Variants in SCRN1 observed in about 807,000 individuals in gnomAD.
SCRN1 encodes the protein secernin 1, also known as secernin-1.
SCRN1 carries 19 observed loss-of-function variants against 43.3 expected under a neutral mutation model. The ratio of observed to expected loss-of-function variants is 0.44; its 90% CI spans 0.31 to 0.64. SCRN1 has a LOEUF of 0.64. SCRN1 is among the 30% of genes least tolerant of loss of function. The pLI, the probability that SCRN1 is intolerant of heterozygous loss-of-function variation, is 0.09. For missense variants in SCRN1, 447 were observed against 524.1 expected, an observed-to-expected ratio of 0.85 and a Z score of 1.44; for synonymous variants, 183 against 188.9, an observed-to-expected ratio of 0.97 and a Z score of 0.26.
rs571620041 is a variant in SCRN1 at position 29,979,139 on chromosome 7, C to T, written c.-1-10071G>A. On this transcript the variant is annotated intron_variant, in intron 1 of 7. Coordinates refer to ENST00000242059, the MANE Select transcript of SCRN1 (RefSeq NM_014766.5). ...CAGCACTTTGGGAGGCTGAGGCGGG[C>T]GGGTCACAAGGTCAGGAGTTCGAGA... 1.2e-3 allele frequency among the ~76,000 whole-genome samples: 186 copies of T among 152,098 alleles called. 1 individual carries two copies. The highest frequency in any genetic ancestry group is 4.2e-3 in the African/African-American group (176 of 41,482).
Position 29,926,763 on chromosome 7 carries a change from G to A in SCRN1, c.906-131C>T. The A allele has an allele frequency of 5.2e-6, 3 of 575,392 alleles. 1 individual carries two copies. Among genetic ancestry groups the A allele is most frequent in the East Asian group, 7.0e-5 (2 of 28,700 alleles). 35.6% of individuals were successfully genotyped at this position (575,392 alleles called of 1,614,324 possible). On this transcript the variant is annotated intron_variant, in intron 6 of 7. Coordinates refer to ENST00000242059, the MANE Select transcript of SCRN1 (RefSeq NM_014766.5). ...GGTGGTGGGTGTGGGTGACGGGTGG[G>A]TGGGTGAGTGCCAAGAGAGACATAA...
At chr7:29,972,566 T>C (rs1237469826) in intron 1 of SCRN1, among the ~76,000 whole-genome samples, 1 of 152,124 alleles carries the variant, frequency 6.6e-6, no homozygotes, top group Non-Finnish European at 1.5e-5. Context: ...CCACTAAATT[T>C]TGTGAATGAC....
At chr7:29,947,166 A>G (rs1787761618) in intron 3 of SCRN1, 9 of 1,546,978 alleles carry the variant, frequency 5.8e-6, no homozygotes, top group South Asian at 3.6e-5. Context: ...GAATTCTTCC[A>G]AAGTGTGTGC....
At chr7:29,973,666 T>C (rs752640346) in intron 1 of SCRN1, among the ~76,000 whole-genome samples, 1 of 152,184 alleles carries the variant, frequency 6.6e-6, no homozygotes, top group Non-Finnish European at 1.5e-5. Flanking sequence ...TTAAGTCAGG[T>C]TTTAGGTTGA....
At chr7:29,941,312 T>A (rs1240393479) in intron 4 of SCRN1, among the ~76,000 whole-genome samples, 1 of 152,222 alleles carries the variant, frequency 6.6e-6, no homozygotes, top group Non-Finnish European at 1.5e-5. Context: ...CTCTATCGCA[T>A]CTATAGAAAG....
chr7:29,955,387 C>A (rs763899156), intron 2 of SCRN1, 27 bp from the exon 3 acceptor site: 1 of 1,606,974 alleles, frequency 6.2e-7, no homozygotes, highest in Middle Eastern at 1.7e-4. Flanking sequence ...GGAAAGAAAG[C>A]GCCATCACCT....
chr7:29,944,101 A>T lies in SCRN1; in HGVS notation c.420T>A (p.Gly140=), dbSNP rs767740942. 6.2e-7 allele frequency: 1 copy of T among 1,614,104 alleles called. No homozygotes were observed. The highest frequency in any genetic ancestry group is 8.5e-7 in the Non-Finnish European group (1 of 1,180,026). Reference sequence around the variant, plus strand: ...AGTTTGCATCTTCAAAGTAATTCCCACCTTGTCCATGTTCTTCCAACAAGG... The same window carrying T: ...AGTTTGCATCTTCAAAGTAATTCCCTCCTTGTCCATGTTCTTCCAACAAGG... ...IVSLLEEHGQ[G]GNYFEDANSC... is the part of the protein sequence containing the mutation. The change falls in exon 4 of 8, where the codon GGT becomes GGA. Residue 140 remains glycine (G), a synonymous_variant. Transcript: ENST00000242059.
At chr7:29,946,515 C>A (rs1420663958) in intron 3 of SCRN1, among the ~76,000 whole-genome samples, 1 of 152,248 alleles carries the variant, frequency 6.6e-6, no homozygotes, top group Non-Finnish European at 1.5e-5. Context: ...CCAGCTGTAA[C>A]AGCCCTGTCT....
Position 29,986,989 on chromosome 7 carries a change from G to C in SCRN1, c.-2+2653C>G, listed in dbSNP as rs193011592. Among the ~76,000 whole-genome samples, 815 of 152,244 alleles carry C rather than the reference G, an allele frequency of 5.4e-3. 4 individuals carry two copies. The highest frequency in any genetic ancestry group is 0.019 in the African/African-American group (773 of 41,546). ...TCCGCCCGCCTCGGCCTCCCAAAGTGCTGGGATTACAGGCGTGAGCCACCG... is the reference window on the plus strand; with the variant it reads ...TCCGCCCGCCTCGGCCTCCCAAAGTCCTGGGATTACAGGCGTGAGCCACCG... On this transcript the variant is annotated intron_variant, in intron 1 of 7. Coordinates refer to ENST00000242059, the MANE Select transcript of SCRN1 (RefSeq NM_014766.5).
At chr7:29,929,874 A>C (rs1036717909) in intron 6 of SCRN1, among the ~76,000 whole-genome samples, 3 of 152,262 alleles carry the variant, frequency 2.0e-5, no homozygotes, top group African/African-American at 4.8e-5. Context: ...GTAAAAACTC[A>C]GAATGCTCTA....
At chr7:29,990,182 C>G (rs1259053992), upstream of SCRN1, 12 of 1,551,576 alleles carry the variant, frequency 7.7e-6, no homozygotes, top group African/African-American at 8.2e-5. Context: ...TGTCCTGTAC[C>G]TTGTTGACTC....
At chr7:29,954,266 G>C (rs2128093717) in intron 3 of SCRN1, among the ~76,000 whole-genome samples, 1 of 152,218 alleles carries the variant, frequency 6.6e-6, no homozygotes, top group Admixed American at 6.5e-5. Flanking sequence ...CTGAGACATA[G>C]AGAGGAAAGG....
chr7:29,969,105 T>TCA (rs761067237), intron 1 of SCRN1, 37 bp from the exon 2 acceptor site: 1 of 1,596,662 alleles, frequency 6.3e-7, no homozygotes, highest in Non-Finnish European at 8.5e-7. Context: ...GAAGCAGGCC[T>TCA]CACATGGAAC....
chr7:29,928,267 T>C (rs577711925), intron 6 of SCRN1, among the ~76,000 whole-genome samples: 7 of 152,288 alleles, frequency 4.6e-5, no homozygotes, highest in African/African-American at 1.7e-4. Flanking sequence ...CCCCACCCTG[T>C]CCTGCTGAAT....
chr7:29,977,995 G>A (rs1223535398), intron 1 of SCRN1, among the ~76,000 whole-genome samples: 1 of 152,178 alleles, frequency 6.6e-6, no homozygotes, highest in East Asian at 1.9e-4. Context: ...TTTCCTTGAA[G>A]TGTCTAAATG....
Position 29,950,803 on chromosome 7 carries a change from G to C in SCRN1, c.341+4376C>G, listed in dbSNP as rs188231653. ...CCTCTCTGCTGAGAGCTGGATACTC[G>C]TCAGGATGACCTGCCTGCAGAATGG... On this transcript the variant is annotated intron_variant, in intron 3 of 7. Transcript: ENST00000242059. This position sits in a 1 kb window ranked among gnomAD's most constrained non-coding sequence, Gnocchi z 4.5. 1.3e-5 allele frequency among the ~76,000 whole-genome samples: 2 copies of C among 152,206 alleles called. No individual in the cohort carries two copies. The highest frequency in any genetic ancestry group is 2.4e-5 in the African/African-American group (1 of 41,456).
chr7:29,989,451 C>T (rs1789286846), intron 1 of SCRN1, among the ~76,000 whole-genome samples, 191 bp downstream of exon 1: 2 of 152,196 alleles, frequency 1.3e-5, no homozygotes, highest in South Asian at 4.1e-4. Context: ...GCCGAGGCCA[C>T]CTCTCCTCTG....
At chr7:29,980,491 T>G (rs1788963174) in intron 1 of SCRN1, among the ~76,000 whole-genome samples, 1 of 152,204 alleles carries the variant, frequency 6.6e-6, no homozygotes, top group Non-Finnish European at 1.5e-5. Flanking sequence ...CCCATTAATG[T>G]GATTTGATAT....
chr7:29,931,571 C>A (rs1363226846), intron 6 of SCRN1, among the ~76,000 whole-genome samples: 1 of 152,190 alleles, frequency 6.6e-6, no homozygotes, highest in East Asian at 1.9e-4. Flanking sequence ...TTCCATACAC[C>A]TTATACTGCT....
Sources: allele counts gnomAD v4.1 joint callset (sites outside exome capture counted in the v4.1 genomes callset), GRCh38; gene constraint gnomAD v4.1.1; non-coding constraint Gnocchi (gnomAD v3.1); transcripts MANE v1.5; gene names NCBI Gene and HGNC (gene_info 2026-07-23, HGNC 2026-07-21).